Variants in TBC1D1 observed in about 807,000 individuals in gnomAD.
The protein encoded by TBC1D1 is TBC1 (tre-2/USP6, BUB2, cdc16) domain family, member 1.
Under a neutral mutation model 125.6 loss-of-function variants are expected in TBC1D1, and 89 were observed. That is an observed-to-expected ratio of 0.71 (90% CI 0.60 to 0.85). The LOEUF is 0.85. Ranked by LOEUF, TBC1D1 falls within the 40% of genes least tolerant of loss-of-function variation. The pLI, the probability that TBC1D1 is intolerant of heterozygous loss-of-function variation, is 0.00. For missense variants in TBC1D1, 1,377 were observed against 1,469.2 expected (o/e 0.94, Z 1.03); for synonymous variants, 565 against 564.1 (o/e 1.00, Z -0.02).
intron 16 of TBC1D1, 30 bp from the exon 19 acceptor site, chr4:38,118,002 AT>A (rs966323101): frequency 1.2e-6 from 2 of 1,610,506 alleles, no homozygotes; most frequent in African/African-American, 2.7e-5. Context: ...CAGATCCCTA[AT>A]TCTCAGCCCT....
intron 4 of TBC1D1, among the ~76,000 whole-genome samples, chr4:38,019,288 G>A (rs1365644568): frequency 6.6e-6 from 1 of 152,046 alleles, no homozygotes; most frequent in Non-Finnish European, 1.5e-5. Context: ...TGCAAAATGT[G>A]AAAATAAAGA....
Position 37,977,584 on chromosome 4 carries a change from T to C in TBC1D1, c.418-36925T>C, listed in dbSNP as rs1733441961. On this transcript the variant is annotated intron_variant, in intron 2 of 19. Transcript: ENST00000261439. This position sits in a 1 kb window ranked among gnomAD's most constrained non-coding sequence, Gnocchi z 4.3. ...CGGAGCGGAGCGGCAGGCGCGGGGC[T>C]GGAACATTTGTAACCTTCGGGCCGG... The C allele has an allele frequency of 1.8e-6, 1 of 556,948 alleles. No homozygotes were observed. The highest frequency in any genetic ancestry group is 2.3e-6 in the Non-Finnish European group (1 of 428,460). 34.5% of individuals were successfully genotyped at this position (556,948 alleles called of 1,614,324 possible). A position where few individuals can be genotyped will look rare whatever the true frequency, so the allele number is the denominator to read the frequency against.
intron 2 of TBC1D1, among the ~76,000 whole-genome samples, chr4:38,013,850 G>C (rs1742040409): frequency 6.6e-6 from 1 of 152,150 alleles, no homozygotes; most frequent in Non-Finnish European, 1.5e-5. Context: ...TATTAGTCAT[G>C]GGTTACTCAG....
chr4:38,105,826 A>G (rs1214420325), intron 15 of TBC1D1, among the ~76,000 whole-genome samples: 1 of 152,026 alleles, frequency 6.6e-6, no homozygotes, highest in Non-Finnish European at 1.5e-5. Context: ...CATTTTCTTT[A>G]TCCGGTTCAC....
chr4:37,929,253 AG>A (rs1383735426), intron 2 of TBC1D1, among the ~76,000 whole-genome samples: 2 of 152,234 alleles, frequency 1.3e-5, no homozygotes, highest in African/African-American at 4.8e-5. Context: ...AAATGATTAT[AG>A]GTGATTTATA....
intron 19 of TBC1D1, among the ~76,000 whole-genome samples, chr4:38,133,477 T>C (rs1693979003): frequency 1.3e-5 from 2 of 152,180 alleles, no homozygotes; most frequent in African/African-American, 4.8e-5. Context: ...CAGAGCTTTC[T>C]GAGAGGCTGT....
At chr4:38,095,367 G>C (rs1470547210) in intron 13 of TBC1D1, among the ~76,000 whole-genome samples, 1 of 152,210 alleles carries the variant, frequency 6.6e-6, no homozygotes, top group Admixed American at 6.5e-5. Context: ...GCTTTAGGTT[G>C]AGTAAGTTTG....
chr4:38,036,086 C>T (rs893457835), intron 8 of TBC1D1, among the ~76,000 whole-genome samples: 4 of 152,186 alleles, frequency 2.6e-5, no homozygotes, highest in East Asian at 1.9e-4. Flanking sequence ...AGTACCTGAA[C>T]GTCCTTTGTG....
intron 18 of TBC1D1, among the ~76,000 whole-genome samples, chr4:38,129,016 C>T (rs1765125879): frequency 6.6e-6 from 1 of 152,102 alleles, no homozygotes; most frequent in Non-Finnish European, 1.5e-5. Context: ...CAGAGCATGG[C>T]CTCAGCCCAG....
intron 2 of TBC1D1, among the ~76,000 whole-genome samples, chr4:37,924,675 C>T (rs1054464364): frequency 7.9e-5 from 12 of 152,164 alleles, no homozygotes; most frequent in African/African-American, 2.9e-4. Flanking sequence ...ATTTTCAGGG[C>T]TTGTCTATGT....
At chr4:37,917,653 C>G (rs920201117) in intron 2 of TBC1D1, among the ~76,000 whole-genome samples, 6 of 152,154 alleles carry the variant, frequency 3.9e-5, no homozygotes, top group South Asian at 4.1e-4. Context: ...CTCCCAAGAA[C>G]CCCTAGAGAG....
chr4:37,924,388 A>G (rs1382549361), intron 2 of TBC1D1, among the ~76,000 whole-genome samples: 1 of 152,254 alleles, frequency 6.6e-6, no homozygotes, highest in Non-Finnish European at 1.5e-5. Flanking sequence ...TATGCATAAC[A>G]TAAATCCGTC....
At chr4:38,110,600 G>A (rs540535143) in intron 15 of TBC1D1, 28 of 985,336 alleles carry the variant, frequency 2.8e-5, no homozygotes, top group Admixed American at 6.1e-5. Context: ...AAGACACATC[G>A]AATGTCTTTT....
intron 6 of TBC1D1, among the ~76,000 whole-genome samples, chr4:38,025,665 A>G (rs1037878283): frequency 3.3e-5 from 5 of 152,350 alleles, no homozygotes; most frequent in Admixed American, 1.3e-4. Context: ...TCGTTTTTCC[A>G]AAATATGATA....
At chr4:37,893,366 G>A (rs1448326123) in intron 1 of TBC1D1, among the ~76,000 whole-genome samples, 2 of 152,194 alleles carry the variant, frequency 1.3e-5, no homozygotes, top group African/African-American at 4.8e-5. Context: ...TCCTGTATAT[G>A]TGTGGGTGCC....
At position 38,054,314 on chromosome 4, in the gene TBC1D1, T is replaced by A; in HGVS notation, c.2026T>A (p.Cys676Ser). The change falls in exon 12 of 20, where the codon TGC becomes AGC. Residue 676 changes from cysteine to serine, a missense_variant. Physicochemically the swap from Cys to Ser is moderately radical, Grantham distance 112. This residue lies in a region of TBC1D1 where 543 missense variants were observed against 613.5 expected (regional missense o/e 0.89). Coordinates refer to ENST00000261439, the MANE Select transcript of TBC1D1 (RefSeq NM_015173.4). The stretch of plus-strand genomic sequence containing the variant: ...CCGAGTAGCCACCCCGCAGAAGGCG[T>A]GCGATTCTTCCAGCAGATATGAAGG... 1 of 1,614,054 alleles carries A rather than the reference T, an allele frequency of 6.2e-7. No individual in the cohort carries two copies.
intron 17 of TBC1D1, among the ~76,000 whole-genome samples, chr4:38,121,310 G>A (rs1305414747): frequency 6.6e-6 from 1 of 152,212 alleles, no homozygotes; most frequent in African/African-American, 2.4e-5. Context: ...CACATAGGAA[G>A]ATTGCACTTT....
chr4:37,913,987 G>T (rs1028784278), intron 2 of TBC1D1, among the ~76,000 whole-genome samples: 1 of 151,930 alleles, frequency 6.6e-6, no homozygotes, highest in African/African-American at 2.4e-5. Context: ...CTCTCTTTTG[G>T]CTCTTGGAGA....
intron 6 of TBC1D1, among the ~76,000 whole-genome samples, chr4:38,027,243 G>A (rs1372577949): frequency 2.0e-5 from 3 of 152,156 alleles, no homozygotes; most frequent in Non-Finnish European, 1.5e-5. Flanking sequence ...AGAATTAAAT[G>A]GTGCAAGCTT....
Sources: gnomAD v4.1 joint callset for allele counts (sites outside exome capture counted in the v4.1 genomes callset) on GRCh38, gnomAD v4.1.1 for gene constraint, gnomAD v4.1.1 regional missense constraint, Gnocchi (gnomAD v3.1) non-coding constraint, MANE v1.5 for transcripts, NCBI Gene and HGNC (gene_info 2026-07-23, HGNC 2026-07-21) for gene names.